The following MPPED2 variants were observed in gnomAD, a reference collection of about 807,000 sequenced individuals.
MPPED2 encodes metallophosphoesterase domain containing 2, also known as metallophosphoesterase MPPED2.
A neutral mutation model predicts 33.0 loss-of-function variants in MPPED2; 5 were observed. The observed-to-expected ratio is 0.15, with a 90% CI of 0.08 to 0.32. MPPED2 has a LOEUF of 0.32. Ranked by LOEUF, MPPED2 falls within the 10% of genes least tolerant of loss-of-function variation. The pLI is 1.00. For missense variants in MPPED2, 275 were observed against 372.1 expected, an observed-to-expected ratio of 0.74 and a Z score of 2.15; for synonymous variants, 136 against 141.9, an observed-to-expected ratio of 0.96 and a Z score of 0.29.
intron 4 of MPPED2, among the ~76,000 whole-genome samples, chr11:30,487,293 G>A (rs923743235): frequency 5.3e-5 from 8 of 152,178 alleles, no homozygotes; most frequent in African/African-American, 1.2e-4. Flanking sequence ...GACTGCAGCC[G>A]AAGTACACTG....
At chr11:30,417,673 G>T in intron 4 of MPPED2, 40 bp from the exon 5 acceptor site, 1 of 1,162,236 alleles carries the variant, frequency 8.6e-7, no homozygotes, top group Non-Finnish European at 1.3e-6. Context: ...GGCCAGCAGA[G>T]CCACGGCTCC....
chr11:30,416,374 G>A (rs1392953769), intron 5 of MPPED2, among the ~76,000 whole-genome samples: 3 of 152,226 alleles, frequency 2.0e-5, no homozygotes, highest in African/African-American at 7.2e-5. Context: ...GAGAAGGAGA[G>A]CAGCACCAAG....
Position 30,464,868 on chromosome 11 carries a change from CAAAT to C in MPPED2, c.536+30424_536+30427del, listed in dbSNP as rs1950644573. On this transcript the variant is annotated intron_variant, in intron 4 of 6. Coordinates refer to ENST00000358117, the MANE Select transcript of MPPED2 (RefSeq NM_001584.3). ...TCAGGTTGGGGAGGCATTGCTAACA[CAAAT>C]AAGACACCACGGATATCTATCACAG... is the stretch of plus-strand genomic sequence containing the variant. Among the ~76,000 whole-genome samples, 3 of 152,272 alleles carry C rather than the reference CAAAT, an allele frequency of 2.0e-5. No individual in the cohort carries two copies. The South Asian group carries it at 6.2e-4, about 32-fold the overall frequency.
chr11:30,419,391 C>T (rs1441089074), intron 4 of MPPED2, among the ~76,000 whole-genome samples: 2 of 152,196 alleles, frequency 1.3e-5, no homozygotes, highest in South Asian at 2.1e-4. Context: ...GGGTGAGACT[C>T]TTCTGTACTC....
intron 2 of MPPED2, among the ~76,000 whole-genome samples, chr11:30,560,136 T>G (rs547393975): frequency 6.6e-6 from 1 of 152,288 alleles, no homozygotes; most frequent in Non-Finnish European, 1.5e-5. Flanking sequence ...TCACCAAAAT[T>G]ACTGACTTTT....
At chr11:30,429,791 A>G (rs1449900463) in intron 4 of MPPED2, among the ~76,000 whole-genome samples, 2 of 152,216 alleles carry the variant, frequency 1.3e-5, no homozygotes, top group East Asian at 1.9e-4. Flanking sequence ...GGCTCAATTC[A>G]TAATTAGATT....
rs1281942464 is a variant in MPPED2, at chr11:30,586,063, A to C, written c.-143T>G. The C allele has an allele frequency of 6.6e-6, 1 of 152,070 alleles. No homozygotes were observed. Among genetic ancestry groups the C allele is most frequent in the African/African-American group, 2.4e-5 (1 of 41,410 alleles). The allele number at this position is 152,070 out of a possible 1,614,324, so 9.4% of individuals were successfully genotyped here. ...TTACCTTTCCCGGGCTGCGCTCCGG[A>C]TCCCGGGGATGCCTTCAGCGCCCGG... is the stretch of plus-strand genomic sequence containing the variant. On this transcript the variant is annotated 5_prime_UTR_variant, in exon 1 of 7. Transcript: ENST00000358117. The surrounding 1 kb of genome is among the most constrained non-coding windows in gnomAD (Gnocchi z 4.8).
chr11:30,484,952 A>G lies in MPPED2; in HGVS notation c.536+10344T>C, dbSNP rs1032030520. Among the ~76,000 whole-genome samples the G allele has an allele frequency of 1.4e-4, 21 of 152,140 alleles. 1 individual carries two copies. The highest frequency in any genetic ancestry group is 1.2e-3 in the Admixed American group (19 of 15,266). On this transcript the variant is annotated intron_variant, in intron 4 of 6. Coordinates refer to ENST00000358117, the MANE Select transcript of MPPED2 (RefSeq NM_001584.3). ...TCTTTTTTGCTTCTTCTCTTCTACC[A>G]TGGTAATACCACCATAGAAACGAAG... is the stretch of plus-strand genomic sequence containing the variant.
At chr11:30,548,228 T>TC (rs397797903) in intron 2 of MPPED2, among the ~76,000 whole-genome samples, 5 of 151,878 alleles carry the variant, frequency 3.3e-5, no homozygotes, top group African/African-American at 9.7e-5. Flanking sequence ...CTTTTTTTTT[T>TC]CTTAACTGAC....
chr11:30,455,358 GT>G, intron 4 of MPPED2, among the ~76,000 whole-genome samples: 1 of 152,298 alleles, frequency 6.6e-6, no homozygotes, highest in South Asian at 2.1e-4. Flanking sequence ...CAGTGACCCT[GT>G]CAAAAGGCCA....
chr11:30,518,501 G>T (rs567222104), intron 3 of MPPED2, among the ~76,000 whole-genome samples: 1 of 152,202 alleles, frequency 6.6e-6, no homozygotes, highest in Admixed American at 6.5e-5. Flanking sequence ...ATAAAGATGA[G>T]AAATTAAATG....
intron 4 of MPPED2, among the ~76,000 whole-genome samples, chr11:30,489,594 T>C (rs566938636): frequency 1.8e-4 from 27 of 152,240 alleles, no homozygotes; most frequent in Admixed American, 5.2e-4. Context: ...CTAGGCCTGA[T>C]CTAATTTTCC....
intron 2 of MPPED2, among the ~76,000 whole-genome samples, chr11:30,552,195 T>C (rs1040377546): frequency 2.6e-5 from 4 of 152,216 alleles, no homozygotes; most frequent in African/African-American, 7.2e-5. Flanking sequence ...ATCAGATAGG[T>C]AGGTGTTCTT....
intron 4 of MPPED2, among the ~76,000 whole-genome samples, chr11:30,492,414 A>G (rs2134188839): frequency 6.6e-6 from 1 of 152,320 alleles, no homozygotes; most frequent in African/African-American, 2.4e-5. Context: ...ATAGCCTTAA[A>G]TGTCCTGTGC....
At chr11:30,415,712 AT>A (rs1435566444) in intron 5 of MPPED2, among the ~76,000 whole-genome samples, 1 of 152,198 alleles carries the variant, frequency 6.6e-6, no homozygotes, top group African/African-American at 2.4e-5. Context: ...AAAGAGAGGG[AT>A]GCTAGCTTCC....
At chr11:30,550,019 A>G (rs905400123) in intron 2 of MPPED2, among the ~76,000 whole-genome samples, 1 of 152,148 alleles carries the variant, frequency 6.6e-6, no homozygotes, top group Non-Finnish European at 1.5e-5. Flanking sequence ...AGATAGTAGC[A>G]CCTATCAAGC....
At chr11:30,487,283 G>C (rs1951783501) in intron 4 of MPPED2, among the ~76,000 whole-genome samples, 2 of 152,198 alleles carry the variant, frequency 1.3e-5, no homozygotes, top group Admixed American at 1.3e-4. Context: ...TGGCAGGTCT[G>C]ACTGCAGCCG....
intron 4 of MPPED2, among the ~76,000 whole-genome samples, chr11:30,483,741 C>A (rs1264263318): frequency 6.6e-6 from 1 of 152,008 alleles, no homozygotes; most frequent in African/African-American, 2.4e-5. Flanking sequence ...CTGTCTTTGA[C>A]AATCCTCTTT....
intron 2 of MPPED2, among the ~76,000 whole-genome samples, chr11:30,578,884 A>AT (rs1359714088): frequency 2.0e-5 from 3 of 152,036 alleles, no homozygotes; most frequent in African/African-American, 4.8e-5. Context: ...AACTTTATCC[A>AT]TTTTTCCTTA....
Sources: gnomAD v4.1 joint callset for allele counts (sites outside exome capture counted in the v4.1 genomes callset) on GRCh38, gnomAD v4.1.1 for gene constraint, Gnocchi (gnomAD v3.1) non-coding constraint, MANE v1.5 for transcripts, NCBI Gene and HGNC (gene_info 2026-07-23, HGNC 2026-07-21) for gene names.